The following PHACTR1 variants were observed in gnomAD, a reference collection of about 807,000 sequenced individuals.
PHACTR1 encodes RPEL repeat containing 1.
A neutral mutation model predicts 69.2 loss-of-function variants in PHACTR1; 16 were observed. That is an observed-to-expected ratio of 0.23 (90% CI 0.16 to 0.35). The LOEUF (loss-of-function observed/expected upper bound fraction) is 0.35, where lower values mean the gene tolerates loss of function less well. PHACTR1 is among the 10% of genes least tolerant of loss of function. The pLI, the probability that PHACTR1 is intolerant of heterozygous loss-of-function variation, is 1.00. For missense variants in PHACTR1, 510 were observed against 734.7 expected (o/e 0.69, Z 3.54); for synonymous variants, 312 against 284.5 (o/e 1.10, Z -0.97).
At chr6:12,947,493 G>A (rs1490300420) in intron 4 of PHACTR1, among the ~76,000 whole-genome samples, 1 of 152,182 alleles carries the variant, frequency 6.6e-6, no homozygotes, top group Admixed American at 6.5e-5. Flanking sequence ...TTTTTGAATG[G>A]ATGATGAATT....
intron 10 of PHACTR1, among the ~76,000 whole-genome samples, chr6:13,238,854 G>A (rs1562050101): frequency 6.6e-6 from 1 of 152,176 alleles, no homozygotes; most frequent in Non-Finnish European, 1.5e-5. Context: ...GCTCTATGAT[G>A]TCAATTCAAC....
At chr6:13,003,778 C>T (rs938574981) in intron 4 of PHACTR1, among the ~76,000 whole-genome samples, 2 of 151,346 alleles carry the variant, frequency 1.3e-5, no homozygotes, top group African/African-American at 4.9e-5. Context: ...TCATTCCACT[C>T]TCTATGTCCA....
chr6:12,727,616 C>T (rs1762962091), intron 3 of PHACTR1, among the ~76,000 whole-genome samples: 1 of 152,204 alleles, frequency 6.6e-6, no homozygotes, highest in South Asian at 2.1e-4. Flanking sequence ...ACATACCACA[C>T]ATGAGAGGCA....
At chr6:12,882,423 T>C (rs1267554087) in intron 4 of PHACTR1, among the ~76,000 whole-genome samples, 1 of 152,080 alleles carries the variant, frequency 6.6e-6, no homozygotes, top group African/African-American at 2.4e-5. Context: ...TGGCAATTTA[T>C]CTCATTACCA....
intron 4 of PHACTR1, among the ~76,000 whole-genome samples, chr6:12,926,868 C>A (rs1465005456): frequency 6.6e-6 from 1 of 151,872 alleles, no homozygotes; most frequent in African/African-American, 2.4e-5. Context: ...TCCCTACATG[C>A]GCTGGTCCTG....
chr6:13,061,412 A>T (rs1807662707), intron 5 of PHACTR1, among the ~76,000 whole-genome samples: 1 of 152,214 alleles, frequency 6.6e-6, no homozygotes, highest in Non-Finnish European at 1.5e-5. Flanking sequence ...GAATTAGAAA[A>T]ATCAATAAAT....
intron 4 of PHACTR1, among the ~76,000 whole-genome samples, chr6:12,763,833 C>T (rs1415743749): frequency 1.3e-5 from 2 of 151,944 alleles, no homozygotes; most frequent in Non-Finnish European, 2.9e-5. Flanking sequence ...TAAATTTAAC[C>T]GTCACAGTAC....
intron 4 of PHACTR1, among the ~76,000 whole-genome samples, chr6:12,941,573 C>T (rs1790063164): frequency 6.6e-6 from 1 of 152,150 alleles, no homozygotes; most frequent in Non-Finnish European, 1.5e-5. Context: ...TCACTCGCCA[C>T]TTCCTGCCTC....
At chr6:12,971,944 T>G (rs1341009544) in intron 4 of PHACTR1, among the ~76,000 whole-genome samples, 1 of 152,210 alleles carries the variant, frequency 6.6e-6, no homozygotes, top group African/African-American at 2.4e-5. Flanking sequence ...ACACAGCCCC[T>G]GCTATGTAAG....
At chr6:13,098,060 C>T (rs563753129) in intron 5 of PHACTR1, among the ~76,000 whole-genome samples, 5 of 152,258 alleles carry the variant, frequency 3.3e-5, no homozygotes. Context: ...CTAGATCCTT[C>T]CTCTACTCAG....
rs555729067 is a variant in PHACTR1, at chr6:12,890,215, G to C, written c.250+140425G>C. On this transcript the variant is annotated intron_variant, in intron 4 of 14. Transcript: ENST00000332995. ...GAATTTGACTAATGCCTGATGATCT[G>C]AGGTGGAGCAGTTTCATGCCGAAAA... Among the ~76,000 whole-genome samples, 5 of 152,248 alleles carry C rather than the reference G, an allele frequency of 3.3e-5. No homozygotes were observed. The East Asian group carries it at 7.7e-4, about 23-fold the overall frequency.
rs543881662 is a variant in PHACTR1 at position 12,906,220 on chromosome 6, G to A, written c.251-147145G>A. On this transcript the variant is annotated intron_variant, in intron 4 of 14. Coordinates refer to ENST00000332995, the MANE Select transcript of PHACTR1 (RefSeq NM_030948.6). Reference sequence around the variant, plus strand: ...TTACTTCTTATGCTCAGTGGCATTCGACTATAGAATTACTGCAATCTAGGG... The same window carrying A: ...TTACTTCTTATGCTCAGTGGCATTCAACTATAGAATTACTGCAATCTAGGG... 2.6e-5 allele frequency among the ~76,000 whole-genome samples: 4 copies of A among 152,020 alleles called. No homozygotes were observed. In the South Asian group the frequency reaches 6.2e-4, roughly 24 times the overall value.
intron 4 of PHACTR1, among the ~76,000 whole-genome samples, chr6:12,797,240 C>T (rs1773137230): frequency 6.6e-6 from 1 of 152,094 alleles, no homozygotes; most frequent in South Asian, 2.1e-4. Context: ...AGCTAAAGGG[C>T]AATCAAGTGC....
At chr6:12,739,020 T>C (rs1299648997) in intron 3 of PHACTR1, among the ~76,000 whole-genome samples, 1 of 152,242 alleles carries the variant, frequency 6.6e-6, no homozygotes, top group Non-Finnish European at 1.5e-5. Context: ...GTGGACTTCA[T>C]TGTTTTTGTG....
chr6:13,092,329 G>T (rs550899758), intron 5 of PHACTR1, among the ~76,000 whole-genome samples: 50 of 152,220 alleles, frequency 3.3e-4, no homozygotes, highest in African/African-American at 1.2e-3. Flanking sequence ...TATACAATTT[G>T]TTCTTTTAAC....
chr6:13,143,290 A>T (rs918825777), intron 5 of PHACTR1, among the ~76,000 whole-genome samples: 2 of 152,210 alleles, frequency 1.3e-5, no homozygotes, highest in Admixed American at 1.3e-4. Flanking sequence ...GTATAACTGG[A>T]TGGTTTGTAA....
chr6:12,905,391 C>T (rs1036001292), intron 4 of PHACTR1, among the ~76,000 whole-genome samples: 2 of 152,194 alleles, frequency 1.3e-5, no homozygotes, highest in Admixed American at 6.5e-5. Context: ...GGTTCTAGAG[C>T]TGCCTGTTCC....
chr6:12,768,832 AC>A, intron 4 of PHACTR1, among the ~76,000 whole-genome samples: 2 of 123,208 alleles, frequency 1.6e-5, no homozygotes, highest in African/African-American at 5.6e-5. Flanking sequence ...ACACACACAC[AC>A]ACACACACAC....
chr6:12,844,414 C>A (rs1488017442), intron 4 of PHACTR1, among the ~76,000 whole-genome samples: 1 of 151,812 alleles, frequency 6.6e-6, no homozygotes, highest in Non-Finnish European at 1.5e-5. Flanking sequence ...CAAAAAAACA[C>A]AAATAAATAA....
Sources: allele counts gnomAD v4.1 joint callset (sites outside exome capture counted in the v4.1 genomes callset), GRCh38; gene constraint gnomAD v4.1.1; transcripts MANE v1.5; gene names NCBI Gene and HGNC (gene_info 2026-07-23, HGNC 2026-07-21).